Variants in TBC1D16 observed in about 807,000 individuals in gnomAD.
TBC1D16 encodes CTD-2529O21.1.
In TBC1D16, 58 loss-of-function variants were observed where a neutral mutation model predicts 74.7. The observed-to-expected ratio is 0.78, with a 90% CI of 0.63 to 0.97. The LOEUF is 0.97. TBC1D16 is among the 50% of genes least tolerant of loss of function. The pLI is 0.00. For synonymous variants in TBC1D16, 493 were observed against 474.7 expected, an observed-to-expected ratio of 1.04 and a Z score of -0.50; for missense variants, 1,014 against 1,079.5, an observed-to-expected ratio of 0.94 and a Z score of 0.85.
At chr17:79,942,037 G>A (rs767104844) in intron 11 of TBC1D16, 23 bp downstream of exon 11, 2 of 1,592,464 alleles carry the variant, frequency 1.3e-6, no homozygotes, top group Non-Finnish European at 1.7e-6. Context: ...GCGGGGTGGG[G>A]CCCACATCTG....
rs553221467 is a variant in TBC1D16, at chr17:79,981,018, C to T, written c.780-28200G>A. ...GGGCAAACAGTCATGATACCAATCA[C>T]CAACATCCTTTGATAAGACCTTGGC... On this transcript the variant is annotated intron_variant, in intron 3 of 11. Coordinates refer to ENST00000310924, the MANE Select transcript of TBC1D16 (RefSeq NM_019020.4). This position sits in a 1 kb window ranked among gnomAD's most constrained non-coding sequence, Gnocchi z 6.9. Among the ~76,000 whole-genome samples, 11 of 152,340 alleles carry T rather than the reference C, an allele frequency of 7.2e-5. No individual in the cohort carries two copies. Among genetic ancestry groups the T allele is most frequent in the Admixed American group, 3.9e-4 (6 of 15,304 alleles).
rs377035134 is a variant in TBC1D16 at position 79,952,766 on chromosome 17, G to A, written c.832C>T (p.Leu278=). The A allele has an allele frequency of 4.3e-6, 7 of 1,611,998 alleles. No homozygotes were observed. The highest frequency in any genetic ancestry group is 4.0e-5 in the African/African-American group (3 of 74,908). Residue 278 remains leucine (L), a synonymous_variant, in exon 4 of 12, where the codon CTG becomes TTG. Coordinates refer to ENST00000310924, the MANE Select transcript of TBC1D16 (RefSeq NM_019020.4). ...GGCTCGTCCCAGCGTGGGGTCTGCAGGAGGCCGTTGCTGTCCGGGAACCGC... is the reference window on the plus strand; with the variant it reads ...GGCTCGTCCCAGCGTGGGGTCTGCAAGAGGCCGTTGCTGTCCGGGAACCGC... The part of the protein sequence containing the change: ...GLRFPDSNGL[L]QTPRWDEPQR...
At position 79,990,404 on chromosome 17, in the gene TBC1D16, C is replaced by T. The variant is rs575117266; in HGVS notation, c.779+19756G>A. ...GGCAGAGGTGAGCCTGGGCAGCCAC[C>T]TCCCACGTGATTTCCCAATGCTTGA... On this transcript the variant is annotated intron_variant, in intron 3 of 11. Coordinates refer to ENST00000310924, the MANE Select transcript of TBC1D16 (RefSeq NM_019020.4). This position sits in a 1 kb window ranked among gnomAD's most constrained non-coding sequence, Gnocchi z 4.8. Among the ~76,000 whole-genome samples, 81 of 152,334 alleles carry T rather than the reference C, an allele frequency of 5.3e-4. No individual in the cohort carries two copies. The highest frequency in any genetic ancestry group is 1.7e-3 in the African/African-American group (70 of 41,588).
rs2032338016 is a variant in TBC1D16, at chr17:79,944,518, T to C, written c.1908+390A>G. Among the ~76,000 whole-genome samples, 1 of 151,770 alleles carries C rather than the reference T, an allele frequency of 6.6e-6. No individual in the cohort carries two copies. Among genetic ancestry groups the C allele is most frequent in the South Asian group, 2.1e-4 (1 of 4,804 alleles). On this transcript the variant is annotated intron_variant, in intron 10 of 11. Coordinates refer to ENST00000310924, the MANE Select transcript of TBC1D16 (RefSeq NM_019020.4). The surrounding 1 kb of genome is among the most constrained non-coding windows in gnomAD (Gnocchi z 7.7). ...TTTCTCTGCACAGCAGGGTAACGGGTGAGTCGGCCCTCGTGGCAGGGCGGT... is the reference window on the plus strand; with the variant it reads ...TTTCTCTGCACAGCAGGGTAACGGGCGAGTCGGCCCTCGTGGCAGGGCGGT...
At chr17:79,946,983 T>C (rs1293633950) in intron 9 of TBC1D16, among the ~76,000 whole-genome samples, 1 of 152,162 alleles carries the variant, frequency 6.6e-6, no homozygotes, top group African/African-American at 2.4e-5. Context: ...TTGGTTGACA[T>C]GGGTGATGTG....
Position 80,009,083 on chromosome 17 carries a change from G to A in TBC1D16, c.779+1077C>T, listed in dbSNP as rs1326023250. Reference sequence around the variant, plus strand: ...ATAATAGGAGGGCCCACCTCACGGGGCGTGGGGCTGTGGAAAGCACACACG... The same window carrying A: ...ATAATAGGAGGGCCCACCTCACGGGACGTGGGGCTGTGGAAAGCACACACG... On this transcript the variant is annotated intron_variant, in intron 3 of 11. Transcript: ENST00000310924. The surrounding 1 kb of genome is among the most constrained non-coding windows in gnomAD (Gnocchi z 5.4). Among the ~76,000 whole-genome samples the A allele has an allele frequency of 6.6e-6, 1 of 152,248 alleles. No individual in the cohort carries two copies. The highest frequency in any genetic ancestry group is 6.5e-5 in the Admixed American group (1 of 15,292).
In TBC1D16 at chr17:80,008,896, C is replaced by T. The variant is rs1304122101; in HGVS notation, c.779+1264G>A. Among the ~76,000 whole-genome samples the T allele has an allele frequency of 1.3e-5, 2 of 152,226 alleles. No homozygotes were observed. The highest frequency in any genetic ancestry group is 2.9e-5 in the Non-Finnish European group (2 of 68,028). On this transcript the variant is annotated intron_variant, in intron 3 of 11. Coordinates refer to ENST00000310924, the MANE Select transcript of TBC1D16 (RefSeq NM_019020.4). The surrounding 1 kb of genome is among the most constrained non-coding windows in gnomAD (Gnocchi z 4.5). ...AAGCCTGTGTCCTTACTTCATGCCC[C>T]ACCACTCCCCGGCTTAATCGGCCTG...
At chr17:79,978,448 CGTGGGGGCGGG>C (rs2034433143) in intron 3 of TBC1D16, among the ~76,000 whole-genome samples, 1 of 142,196 alleles carries the variant, frequency 7.0e-6, no homozygotes, top group South Asian at 2.6e-4. Context: ...CTTTGCCAGC[CGTGGGGGCGGG>C]GTGGGGGCCG....
rs183412572 is a variant in TBC1D16 at position 79,994,406 on chromosome 17, A to G, written c.779+15754T>C. Reference sequence around the variant, plus strand: ...CATGAAGAAGGGCTGGCCAGAGAATATTTTGTTTTGTTTTGTTTTGTTTAT... The same window carrying G: ...CATGAAGAAGGGCTGGCCAGAGAATGTTTTGTTTTGTTTTGTTTTGTTTAT... On this transcript the variant is annotated intron_variant, in intron 3 of 11. Coordinates refer to ENST00000310924, the MANE Select transcript of TBC1D16 (RefSeq NM_019020.4). This position sits in a 1 kb window ranked among gnomAD's most constrained non-coding sequence, Gnocchi z 4.6. 1.6e-4 allele frequency among the ~76,000 whole-genome samples: 24 copies of G among 152,048 alleles called. No individual in the cohort carries two copies. The highest frequency in any genetic ancestry group is 1.4e-3 in the Admixed American group (22 of 15,254).
chr17:80,011,580 A>G (rs1044451673), intron 2 of TBC1D16, among the ~76,000 whole-genome samples: 3 of 152,236 alleles, frequency 2.0e-5, no homozygotes, highest in African/African-American at 7.2e-5. Context: ...TAATCCCAGC[A>G]CTTTGGGAGG....
At chr17:79,996,614 C>G (rs570809606) in intron 3 of TBC1D16, among the ~76,000 whole-genome samples, 8 of 152,184 alleles carry the variant, frequency 5.3e-5, no homozygotes, top group Non-Finnish European at 1.2e-4. Flanking sequence ...GGAACGGTGG[C>G]TCACGCTTGC....
chr17:80,033,871 T>C (rs2143487124), intron 1 of TBC1D16, among the ~76,000 whole-genome samples: 1 of 152,324 alleles, frequency 6.6e-6, no homozygotes, highest in African/African-American at 2.4e-5. Flanking sequence ...CCCACCTCCT[T>C]GCACTGTTAT....
chr17:80,022,211 C>T (rs957871393), intron 1 of TBC1D16, among the ~76,000 whole-genome samples: 1 of 150,008 alleles, frequency 6.7e-6, no homozygotes, highest in South Asian at 2.1e-4. Context: ...ACTAAAGTAT[C>T]GAGCAGTTCA....
intron 1 of TBC1D16, among the ~76,000 whole-genome samples, chr17:80,026,498 G>A (rs533907352): frequency 1.3e-5 from 2 of 149,782 alleles, no homozygotes; most frequent in Non-Finnish European, 2.9e-5. Context: ...CTTGAGATCA[G>A]GAAGCTTGCA....
intron 3 of TBC1D16, among the ~76,000 whole-genome samples, chr17:79,977,548 GGA>G (rs900005027): frequency 4.6e-5 from 7 of 152,266 alleles, no homozygotes; most frequent in South Asian, 2.1e-4. Flanking sequence ...GGGTGACGGA[GGA>G]GAGAGAGCTC....
In TBC1D16 at chr17:80,010,127, C is replaced by A; in HGVS notation, c.779+33G>T. 1 of 1,562,146 alleles carries A rather than the reference C, an allele frequency of 6.4e-7. No individual in the cohort carries two copies. The highest frequency in any genetic ancestry group is 8.7e-7 in the Non-Finnish European group (1 of 1,149,438). ...TGCCCAGGTCAGGCCTTGGGGGCCTCCCGAGAGCCCACGCCCAGAACCAGG... is the reference window on the plus strand; with the variant it reads ...TGCCCAGGTCAGGCCTTGGGGGCCTACCGAGAGCCCACGCCCAGAACCAGG... On this transcript the variant is annotated intron_variant, in intron 3 of 11. Coordinates refer to ENST00000310924, the MANE Select transcript of TBC1D16 (RefSeq NM_019020.4). This position sits in a 1 kb window ranked among gnomAD's most constrained non-coding sequence, Gnocchi z 8.8.
chr17:79,958,120 C>A (rs2033424157), intron 3 of TBC1D16, among the ~76,000 whole-genome samples: 2 of 150,742 alleles, frequency 1.3e-5, no homozygotes, highest in African/African-American at 4.9e-5. Flanking sequence ...ATGAAATTGG[C>A]ATCAATTAAC....
intron 2 of TBC1D16, 58 bp downstream of exon 2, chr17:80,013,309 C>G: frequency 2.0e-6 from 3 of 1,518,212 alleles, no homozygotes; most frequent in Non-Finnish European, 2.7e-6. Context: ...CTTTAGAGCC[C>G]TGGCTCGGAA....
chr17:79,975,995 AGGCAGCAGTGTCAGACTT>A lies in TBC1D16; in HGVS notation c.780-23195_780-23178del, dbSNP rs1222378049. Among the ~76,000 whole-genome samples the A allele has an allele frequency of 6.6e-6, 1 of 152,230 alleles. No homozygotes were observed. The highest frequency in any genetic ancestry group is 1.5e-5 in the Non-Finnish European group (1 of 68,038). ...GAGCCAGTCAGGGCATGGGGACGCCAGGCAGCAGTGTCAGACTTGGCCATTGCCAAGTTCTCTCTTGTC... is the reference window on the plus strand; with the variant it reads ...GAGCCAGTCAGGGCATGGGGACGCCAGGCCATTGCCAAGTTCTCTCTTGTC... On this transcript the variant is annotated intron_variant, in intron 3 of 11. Coordinates refer to ENST00000310924, the MANE Select transcript of TBC1D16 (RefSeq NM_019020.4). The surrounding 1 kb of genome is among the most constrained non-coding windows in gnomAD (Gnocchi z 4.5).
Sources: gnomAD v4.1 joint callset for allele counts (sites outside exome capture counted in the v4.1 genomes callset) on GRCh38, gnomAD v4.1.1 for gene constraint, Gnocchi (gnomAD v3.1) non-coding constraint, MANE v1.5 for transcripts, NCBI Gene and HGNC (gene_info 2026-07-23, HGNC 2026-07-21) for gene names.